The following RTKN variants were observed in gnomAD, a reference collection of about 807,000 sequenced individuals.
RTKN encodes rhotekin.
A neutral mutation model predicts 63.5 loss-of-function variants in RTKN; 49 were observed. The observed-to-expected ratio is 0.77, with a 90% confidence interval of 0.61 to 0.98. RTKN has a LOEUF of 0.98. Ranked by LOEUF, RTKN falls within the 50% of genes least tolerant of loss-of-function variation. The pLI, the probability that RTKN is intolerant of heterozygous loss-of-function variation, is 0.00. For missense variants in RTKN, 685 were observed against 740.8 expected, an observed-to-expected ratio of 0.92 and a Z score of 0.87; for synonymous variants, 295 against 290.4, an observed-to-expected ratio of 1.02 and a Z score of -0.16.
intron 9 of RTKN, chr2:74,428,037 G>A (rs1050495074): frequency 5.1e-6 from 3 of 582,834 alleles, no homozygotes; most frequent in African/African-American, 3.7e-5. Context: ...GCAGGCGAGA[G>A]AACCCTCTCT....
chr2:74,428,983 T>C (rs771743215), intron 6 of RTKN, 41 bp from the exon 7 acceptor site: 34 of 1,529,922 alleles, frequency 2.2e-5, no homozygotes, highest in East Asian at 9.0e-5. Context: ...GGGAGGGGCA[T>C]GTTGGCCAGC....
At chr2:74,430,421 C>A (rs772067383) in intron 4 of RTKN, 44 bp downstream of exon 4, 1 of 1,613,578 alleles carries the variant, frequency 6.2e-7, no homozygotes, top group East Asian at 2.2e-5. Context: ...CCTCCTACTT[C>A]AGGGTCATTC....
chr2:74,429,521 T>A (rs1362506124), intron 6 of RTKN, among the ~76,000 whole-genome samples: 1 of 152,176 alleles, frequency 6.6e-6, no homozygotes, highest in Non-Finnish European at 1.5e-5. Flanking sequence ...GCCCAGGAGT[T>A]CGAGACTAGC....
intron 5 of RTKN, 49 bp downstream of exon 5, chr2:74,430,203 A>C (rs1388023133): frequency 6.4e-7 from 1 of 1,573,036 alleles, no homozygotes; most frequent in East Asian, 2.2e-5. Flanking sequence ...GCTCATCCAG[A>C]ACTGGAGCAG....
At chr2:74,440,300 C>T (rs754241378) in intron 1 of RTKN, 566 of 945,064 alleles carry the variant, frequency 6.0e-4, no homozygotes, top group Non-Finnish European at 7.0e-4. Context: ...TAGGGCCACC[C>T]CTTCCAACTC....
At chr2:74,433,852 ATAAG>A (rs1390667954) in intron 1 of RTKN, among the ~76,000 whole-genome samples, 1 of 152,096 alleles carries the variant, frequency 6.6e-6, no homozygotes, top group African/African-American at 2.4e-5. Flanking sequence ...CATTGGTTAA[ATAAG>A]TAACAGTACA....
chr2:74,440,015 C>G (rs908099185), intron 1 of RTKN: 131 of 1,057,196 alleles, frequency 1.2e-4, no homozygotes, highest in Non-Finnish European at 1.5e-4. Flanking sequence ...CGACTCTGGC[C>G]GCTCCCCAGC....
In RTKN at chr2:74,440,607, G is replaced by A. The variant is rs1443483848; in HGVS notation, c.111+1099C>T. On this transcript the variant is annotated intron_variant, in intron 1 of 11. Coordinates refer to ENST00000272430, the MANE Select transcript of RTKN (RefSeq NM_001015055.2). ...CCCGAAGGCCGGGCTAATCCCAGGG[G>A]CGGCCCCAGCTCACAGGCCCCTCCC... 6.1e-6 allele frequency: 6 copies of A among 976,260 alleles called. No individual in the cohort carries two copies. In the African/African-American group the frequency reaches 8.8e-5, roughly 14 times the overall value. 60.5% of individuals were successfully genotyped at this position (976,260 alleles called of 1,614,324 possible).
In RTKN at chr2:74,440,035, C is replaced by T. The variant is rs1449959679; in HGVS notation, c.111+1671G>A. On this transcript the variant is annotated intron_variant, in intron 1 of 11. Transcript: ENST00000272430. ...CTGGCCGCTCCCCAGCCCCCGCCCA[C>T]ATCCCTGGCCTGGTGGACAGGGAAT... 5 of 1,024,730 alleles carry T rather than the reference C, an allele frequency of 4.9e-6. No homozygotes were observed. In the Admixed American group the frequency reaches 2.3e-4, roughly 48 times the overall value. The allele number at this position is 1,024,730 out of a possible 1,614,324, so 63.5% of individuals were successfully genotyped here.
rs1433656519 is a variant in RTKN, at chr2:74,428,849, A to G, written c.849T>C (p.His283=). ...FRTHDLTLAS[H]EENPAWLPLY... Reference sequence around the variant, plus strand: ...TCCCCCATGCACACACATACTTACCATGACTGGCAAGGGTGAGGTCATGTG... The same window carrying G: ...TCCCCCATGCACACACATACTTACCGTGACTGGCAAGGGTGAGGTCATGTG... Residue 283 remains histidine, a splice_region_variant and synonymous_variant, in exon 7 of 12, where the codon CAT becomes CAC. Coordinates refer to ENST00000272430, the MANE Select transcript of RTKN (RefSeq NM_001015055.2). 3 of 1,613,488 alleles carry G rather than the reference A, an allele frequency of 1.9e-6. No homozygotes were observed. The highest frequency in any genetic ancestry group is 2.2e-5 in the East Asian group (1 of 44,890).
At chr2:74,440,119 G>A (rs1271208039) in intron 1 of RTKN, 4 of 498,816 alleles carry the variant, frequency 8.0e-6, no homozygotes, top group Middle Eastern at 9.9e-4. Flanking sequence ...GGGAAACGAC[G>A]CCTCATGCAG....
chr2:74,428,306 T>C lies in RTKN; in HGVS notation c.1048A>G (p.Thr350Ala), dbSNP rs184760564. The C allele has an allele frequency of 1.9e-5, 30 of 1,614,202 alleles. No homozygotes were observed. In the Middle Eastern group the frequency reaches 4.9e-4, roughly 27 times the overall value. The change falls in exon 9 of 12, where the codon ACT becomes GCT. Residue 350 changes from threonine (T) to alanine (A), a missense_variant. Coordinates refer to ENST00000272430, the MANE Select transcript of RTKN (RefSeq NM_001015055.2). ...FCYRQPEDADTGEEPLLTIAV... is the reference protein window; with the variant it reads ...FCYRQPEDADAGEEPLLTIAV... The stretch of plus-strand genomic sequence containing the variant: ...ATAGTAAGCAGCGGCTCTTCCCCAG[T>C]GTCTGCATCCTCAGGTTGCCGGTAA...
chr2:74,426,593 G>T lies in RTKN; in HGVS notation c.1361-19C>A, dbSNP rs756211773. 6.6e-7 allele frequency: 1 copy of T among 1,520,832 alleles called. No individual in the cohort carries two copies. Among genetic ancestry groups the T allele is most frequent in the Non-Finnish European group, 8.8e-7 (1 of 1,133,404 alleles). 94.2% of individuals were successfully genotyped at this position (1,520,832 alleles called of 1,614,324 possible). On this transcript the variant is annotated intron_variant, in intron 11 of 11. Coordinates refer to ENST00000272430, the MANE Select transcript of RTKN (RefSeq NM_001015055.2). The stretch of plus-strand genomic sequence containing the variant: ...TCAATAGCTGTGGCACCAGGAAGGG[G>T]TTGGGGGAGGGTTGGGCTAGTCAGA...
Position 74,429,953 on chromosome 2 carries a change from G to C in RTKN, c.630C>G (p.Pro210=), listed in dbSNP as rs1035229485. The C allele has an allele frequency of 6.2e-7, 1 of 1,614,216 alleles. No homozygotes were observed. Among genetic ancestry groups the C allele is most frequent in the East Asian group, 2.2e-5 (1 of 44,890 alleles). Residue 210 remains proline (P), a synonymous_variant, in exon 6 of 12, where the codon CCC becomes CCG. Coordinates refer to ENST00000272430, the MANE Select transcript of RTKN (RefSeq NM_001015055.2). Reference sequence around the variant, plus strand: ...TGCTGAGTTTGGTGGCAAGCCTCTTGGGGCCGCCAGTCAGGGCCCCCTCTT... The same window carrying C: ...TGCTGAGTTTGGTGGCAAGCCTCTTCGGGCCGCCAGTCAGGGCCCCCTCTT... The part of the protein sequence containing the change: ...VEEEGALTGG[P]KRLATKLSSS...
At chr2:74,438,403 C>T (rs892587385) in intron 1 of RTKN, among the ~76,000 whole-genome samples, 4 of 152,160 alleles carry the variant, frequency 2.6e-5, no homozygotes, top group Non-Finnish European at 2.9e-5. Context: ...GAAACAGCCT[C>T]CCACCTGGTG....
intron 2 of RTKN, chr2:74,432,155 C>T: frequency 2.0e-6 from 1 of 488,394 alleles, no homozygotes; most frequent in Non-Finnish European, 3.8e-6. Context: ...TTCCAAAAGC[C>T]AGATAGCCAG....
In RTKN at chr2:74,428,843, CT is replaced by C. The variant is rs1206406513; in HGVS notation, c.850+4del. ...TGTATGTCCCCCATGCACACACATA[CT>C]TACCATGACTGGCAAGGGTGAGGTC... On this transcript the variant is annotated splice_donor_region_variant and intron_variant, in intron 7 of 11. Coordinates refer to ENST00000272430, the MANE Select transcript of RTKN (RefSeq NM_001015055.2). 1 of 1,613,480 alleles carries C rather than the reference CT, an allele frequency of 6.2e-7. No individual in the cohort carries two copies. Among genetic ancestry groups the C allele is most frequent in the African/African-American group, 1.3e-5 (1 of 74,922 alleles).
At chr2:74,434,643 T>C (rs185011942) in intron 1 of RTKN, among the ~76,000 whole-genome samples, 1 of 152,288 alleles carries the variant, frequency 6.6e-6, no homozygotes, top group African/African-American at 2.4e-5. Context: ...CTCGAACTCC[T>C]GGCCTCAAGT....
At chr2:74,433,457 G>T (rs983675646) in intron 1 of RTKN, among the ~76,000 whole-genome samples, 2 of 151,142 alleles carry the variant, frequency 1.3e-5, no homozygotes, top group Admixed American at 6.6e-5. Flanking sequence ...ATATATCTAG[G>T]TAAAGCCATA....
Sources: gnomAD v4.1 joint callset for allele counts (sites outside exome capture counted in the v4.1 genomes callset) on GRCh38, gnomAD v4.1.1 for gene constraint, MANE v1.5 for transcripts, NCBI Gene and HGNC (gene_info 2026-07-23, HGNC 2026-07-21) for gene names.